Variants in MAP2K1 observed in about 807,000 individuals in gnomAD.
MAP2K1 encodes dual specificity mitogen-activated protein kinase kinase 1.
Under a neutral mutation model 46.3 loss-of-function variants are expected in MAP2K1, and 16 were observed. The ratio of observed to expected loss-of-function variants is 0.35; its 90% confidence interval spans 0.23 to 0.52. The LOEUF is 0.52. MAP2K1 is among the 20% of genes least tolerant of loss of function. MAP2K1 has a pLI of 0.94. For missense variants in MAP2K1, 263 were observed against 497.1 expected (o/e 0.53, Z 4.48); for synonymous variants, 183 against 185.6 (o/e 0.99, Z 0.11).
At chr15:66,475,533 C>T (rs1323556701) in intron 5 of MAP2K1, among the ~76,000 whole-genome samples, 3 of 152,172 alleles carry the variant, frequency 2.0e-5, no homozygotes, top group Non-Finnish European at 4.4e-5. Flanking sequence ...TCTCTTCCCC[C>T]AAGCCCCACC....
intron 5 of MAP2K1, among the ~76,000 whole-genome samples, chr15:66,463,270 G>A (rs906676685): frequency 6.6e-6 from 1 of 152,182 alleles, no homozygotes; most frequent in Non-Finnish European, 1.5e-5. Flanking sequence ...AAGATATCTC[G>A]ATTGAACAGT....
At chr15:66,467,050 C>T (rs980191653) in intron 5 of MAP2K1, among the ~76,000 whole-genome samples, 3 of 151,962 alleles carry the variant, frequency 2.0e-5, no homozygotes, top group South Asian at 2.1e-4. Flanking sequence ...GCCTGGCCAA[C>T]GTTGTGAAAG....
intron 5 of MAP2K1, among the ~76,000 whole-genome samples, chr15:66,464,546 C>T (rs541625965): frequency 1.1e-4 from 16 of 152,154 alleles, no homozygotes; most frequent in African/African-American, 3.4e-4. Flanking sequence ...TGTTTTGAGA[C>T]GGAGTTTTGC....
intron 2 of MAP2K1, 74 bp from the exon 3 acceptor site, chr15:66,436,672 T>G: frequency 6.9e-7 from 1 of 1,440,308 alleles, no homozygotes; most frequent in Admixed American, 1.7e-5. Context: ...CTTAAACATT[T>G]AACAAGACTA....
chr15:66,387,468 G>A, intron 1 of MAP2K1, 41 bp downstream of exon 1: 1 of 1,539,938 alleles, frequency 6.5e-7, no homozygotes, highest in Non-Finnish European at 8.8e-7. Context: ...GCCCGGCTGG[G>A]GAGGCCCGAG....
At chr15:66,421,083 TACAC>T (rs1298798305) in intron 1 of MAP2K1, among the ~76,000 whole-genome samples, 12 of 75,538 alleles carry the variant, frequency 1.6e-4, no homozygotes, top group South Asian at 1.5e-3. Context: ...TATATACACA[TACAC>T]ACACATACAC....
chr15:66,482,021 G>A, intron 6 of MAP2K1, 142 bp downstream of exon 6: 1 of 1,061,998 alleles, frequency 9.4e-7, no homozygotes, highest in South Asian at 1.4e-5. Context: ...CTGCCCTGAG[G>A]AGATGAAGTT....
At chr15:66,454,175 C>T (rs577825097) in intron 5 of MAP2K1, among the ~76,000 whole-genome samples, 2 of 152,140 alleles carry the variant, frequency 1.3e-5, no homozygotes, top group East Asian at 1.9e-4. Context: ...CTGCTTATGT[C>T]AAGTTTGTTC....
intron 5 of MAP2K1, among the ~76,000 whole-genome samples, chr15:66,471,910 C>T (rs1892641117): frequency 6.6e-6 from 1 of 151,938 alleles, no homozygotes; most frequent in Admixed American, 6.6e-5. Context: ...AACCCCGTCT[C>T]TACTAAAAAT....
chr15:66,396,234 C>G (rs544180060), intron 1 of MAP2K1, among the ~76,000 whole-genome samples: 1 of 152,156 alleles, frequency 6.6e-6, no homozygotes, highest in Admixed American at 6.5e-5. Flanking sequence ...CCGCCCTCCT[C>G]GGCCTCCCAA....
At chr15:66,415,131 C>G (rs1157506897) in intron 1 of MAP2K1, 1 of 524,968 alleles carries the variant, frequency 1.9e-6, no homozygotes, top group Non-Finnish European at 3.8e-6. Flanking sequence ...GCATCAAGCT[C>G]CAGCTTGGCA....
At chr15:66,487,387 C>G in intron 8 of MAP2K1, 95 bp downstream of exon 8, 1 of 1,206,326 alleles carries the variant, frequency 8.3e-7, no homozygotes, top group Admixed American at 1.7e-5. Flanking sequence ...GCCTGTAATC[C>G]CAGCAGTTTG....
At chr15:66,464,988 A>G (rs1892425401) in intron 5 of MAP2K1, among the ~76,000 whole-genome samples, 1 of 151,302 alleles carries the variant, frequency 6.6e-6, no homozygotes, top group African/African-American at 2.4e-5. Context: ...TTTGGGAGGT[A>G]GAGGCGGGTG....
intron 8 of MAP2K1, 21 bp from the exon 9 acceptor site, chr15:66,489,194 T>TA: frequency 6.2e-7 from 1 of 1,609,180 alleles, no homozygotes; most frequent in African/African-American, 1.3e-5. Flanking sequence ...GCATTTTTCT[T>TA]ATCTCAACAT....
intron 5 of MAP2K1, among the ~76,000 whole-genome samples, chr15:66,469,836 G>T (rs1454539535): frequency 6.7e-6 from 1 of 148,932 alleles, no homozygotes; most frequent in Admixed American, 6.8e-5. Flanking sequence ...TGCTGTTTCA[G>T]AAGTACCAAA....
Position 66,456,330 on chromosome 15 carries a change from C to T in MAP2K1, c.568+11623C>T, listed in dbSNP as rs77245837. ...ACCCTGCCAACTTTCAGATAGAATCCGATGTGACATAGTGACATAGATTAT... is the reference window on the plus strand; with the variant it reads ...ACCCTGCCAACTTTCAGATAGAATCTGATGTGACATAGTGACATAGATTAT... On this transcript the variant is annotated intron_variant, in intron 5 of 10. Transcript: ENST00000307102. 4.6e-3 allele frequency among the ~76,000 whole-genome samples: 702 copies of T among 152,168 alleles called. 8 individuals carry two copies. Among genetic ancestry groups the T allele is most frequent in the African/African-American group, 0.016 (673 of 41,508 alleles).
At chr15:66,476,368 C>G (rs1892755103) in intron 5 of MAP2K1, among the ~76,000 whole-genome samples, 1 of 152,206 alleles carries the variant, frequency 6.6e-6, no homozygotes, top group South Asian at 2.1e-4. Context: ...TTTGAGGGCT[C>G]TGCTAGGAGA....
chr15:66,483,491 T>C (rs1326565254), intron 6 of MAP2K1, among the ~76,000 whole-genome samples: 1 of 152,196 alleles, frequency 6.6e-6, no homozygotes, highest in Admixed American at 6.5e-5. Context: ...TTTTTGTGGT[T>C]ATATGGTCAG....
chr15:66,452,287 T>TTAA (rs756761154), intron 5 of MAP2K1, among the ~76,000 whole-genome samples: 5 of 103,626 alleles, frequency 4.8e-5, no homozygotes, highest in African/African-American at 7.7e-5. Context: ...TAGAGTATAA[T>TTAA]AAAAAAAAAA....
Sources: allele counts gnomAD v4.1 joint callset (sites outside exome capture counted in the v4.1 genomes callset), GRCh38; gene constraint gnomAD v4.1.1; transcripts MANE v1.5; gene names NCBI Gene and HGNC (gene_info 2026-07-23, HGNC 2026-07-21).